STARD3: variants seen among roughly 807,000 people sequenced by gnomAD.
The protein encoded by STARD3 is StAR related lipid transfer domain containing 3.
STARD3 carries 39 observed loss-of-function variants against 62.0 expected under a neutral mutation model. The ratio of observed to expected loss-of-function variants is 0.63; its 90% CI spans 0.49 to 0.82. The LOEUF (loss-of-function observed/expected upper bound fraction) is 0.82, where lower values mean the gene tolerates loss of function less well. Ranked by LOEUF, STARD3 falls within the 40% of genes least tolerant of loss-of-function variation. The pLI, the probability that STARD3 is intolerant of heterozygous loss-of-function variation, is 0.00. For synonymous variants in STARD3, 229 were observed against 242.4 expected (o/e 0.94, Z 0.51); for missense variants, 543 against 584.5 (o/e 0.93, Z 0.73).
chr17:39,639,984 G>A (rs755197011), intron 1 of STARD3, among the ~76,000 whole-genome samples: 2 of 152,188 alleles, frequency 1.3e-5, no homozygotes, highest in South Asian at 2.1e-4. Context: ...CCCTGAAAGC[G>A]CTGATCACAG....
chr17:39,663,189 G>A lies in STARD3; in HGVS notation c.*281G>A. The A allele has an allele frequency of 2.3e-6, 1 of 442,080 alleles. No homozygotes were observed. The highest frequency in any genetic ancestry group is 4.0e-6 in the Non-Finnish European group (1 of 251,964). The allele number at this position is 442,080 out of a possible 1,614,324, so 27.4% of individuals were successfully genotyped here. On this transcript the variant is annotated 3_prime_UTR_variant, in exon 15 of 15. Coordinates refer to ENST00000336308, the MANE Select transcript of STARD3 (RefSeq NM_006804.4). The stretch of plus-strand genomic sequence containing the variant: ...AGATTGCTCTGCCCCACCTTGCCAG[G>A]GCAGGGTCTGGGCTGGGCACCTGAC...
At chr17:39,657,293 A>C (rs2057140543) in intron 3 of STARD3, among the ~76,000 whole-genome samples, 1 of 152,094 alleles carries the variant, frequency 6.6e-6, no homozygotes, top group Non-Finnish European at 1.5e-5. Context: ...TGGGAGGCTG[A>C]GGTGGGTGGA....
At chr17:39,658,977 A>G in intron 7 of STARD3, 74 bp from the exon 8 acceptor site, 4 of 1,598,378 alleles carry the variant, frequency 2.5e-6, no homozygotes, top group East Asian at 4.5e-5. Context: ...TTGCACTCAC[A>G]TACCCGAACC....
At chr17:39,641,260 T>C (rs2056980574) in intron 1 of STARD3, among the ~76,000 whole-genome samples, 1 of 152,136 alleles carries the variant, frequency 6.6e-6, no homozygotes, top group South Asian at 2.1e-4. Flanking sequence ...ACTGTGGCTG[T>C]GACTTGGACC....
At chr17:39,649,702 A>G (rs1345293653) in intron 1 of STARD3, among the ~76,000 whole-genome samples, 2 of 152,026 alleles carry the variant, frequency 1.3e-5, no homozygotes, top group East Asian at 3.9e-4. Context: ...CCTCATCTCT[A>G]CTAAAAATAC....
At chr17:39,645,751 C>T (rs911058185) in intron 1 of STARD3, among the ~76,000 whole-genome samples, 5 of 150,434 alleles carry the variant, frequency 3.3e-5, no homozygotes, top group African/African-American at 1.2e-4. Flanking sequence ...AGCCACTGCT[C>T]CTAGCCCCAT....
At chr17:39,648,182 G>T (rs1298528462) in intron 1 of STARD3, among the ~76,000 whole-genome samples, 1 of 152,216 alleles carries the variant, frequency 6.6e-6, no homozygotes, top group African/African-American at 2.4e-5. Context: ...CTACTCGGGA[G>T]GCTGAGGCAG....
intron 1 of STARD3, chr17:39,637,590 A>G (rs1012608098): frequency 3.3e-5 from 5 of 152,246 alleles, no homozygotes; most frequent in East Asian, 3.9e-4. Context: ...GAAAACATCT[A>G]CGCATTCCGG....
intron 8 of STARD3, 55 bp from the exon 9 acceptor site, chr17:39,659,406 C>A: frequency 6.5e-7 from 1 of 1,539,210 alleles, no homozygotes; most frequent in Non-Finnish European, 9.0e-7. Flanking sequence ...AGGCCACGAA[C>A]ATGGTGGACT....
At chr17:39,653,459 T>C (rs2057095980) in intron 1 of STARD3, 22 bp from the exon 2 acceptor site, 15 of 1,506,188 alleles carry the variant, frequency 1.0e-5, no homozygotes, top group Non-Finnish European at 1.3e-5. Flanking sequence ...TTGACAGGAC[T>C]CTGCCTCTGC....
At position 39,657,821 on chromosome 17, in the gene STARD3, T is replaced by C. The variant is rs1392709613; in HGVS notation, c.344T>C (p.Val115Ala). 6.2e-7 allele frequency: 1 copy of C among 1,614,228 alleles called. No homozygotes were observed. Among genetic ancestry groups the C allele is most frequent in the South Asian group, 1.1e-5 (1 of 91,090 alleles). Residue 115 changes from valine (V) to alanine (A), a missense_variant, in exon 4 of 15, where the codon GTG becomes GCG. Val to Ala is a moderately conservative substitution (Grantham distance 64). Coordinates refer to ENST00000336308, the MANE Select transcript of STARD3 (RefSeq NM_006804.4). Reference protein sequence around the residue: ...RFSGLLLGYAVLRLRHWWVIA... With the variant: ...RFSGLLLGYAALRLRHWWVIA... ...TCTGGACTGCTCCTAGGCTATGCCG[T>C]GCTGCGGCTCCGGCACTGGTGGGTG...
rs1309052357 is a variant in STARD3, at chr17:39,664,178, G to C, written c.*1270G>C. 6.6e-6 allele frequency: 1 copy of C among 152,386 alleles called. No individual in the cohort carries two copies. Among genetic ancestry groups the C allele is most frequent in the Non-Finnish European group, 1.5e-5 (1 of 68,064 alleles). 9.4% of individuals were successfully genotyped at this position (152,386 alleles called of 1,614,324 possible). On this transcript the variant is annotated 3_prime_UTR_variant, in exon 15 of 15. Transcript: ENST00000336308. Reference sequence around the variant, plus strand: ...GACTGATGTCACAGGGTTGTTATGAGATTAAAAGATATGAAGAACCGGGGA... The same window carrying C: ...GACTGATGTCACAGGGTTGTTATGACATTAAAAGATATGAAGAACCGGGGA...
At chr17:39,659,814 G>A in intron 9 of STARD3, 1 of 496,134 alleles carries the variant, frequency 2.0e-6, no homozygotes, top group Non-Finnish European at 3.6e-6. Flanking sequence ...TGAAGGGGAA[G>A]CCAGGCTTCT....
Position 39,657,826 on chromosome 17 carries a change from C to A in STARD3, c.349C>A (p.Arg117=), listed in dbSNP as rs746798367. The A allele has an allele frequency of 6.8e-6, 11 of 1,614,106 alleles. No homozygotes were observed. In the Admixed American group the frequency reaches 1.3e-4, roughly 20 times the overall value. The stretch of plus-strand genomic sequence containing the variant: ...ACTGCTCCTAGGCTATGCCGTGCTG[C>A]GGCTCCGGCACTGGTGGGTGATTGC... ...SGLLLGYAVL[R]LRHWWVIAVT... is the part of the protein sequence containing the mutation. The change falls in exon 4 of 15, where the codon CGG becomes AGG. Residue 117 remains arginine, a synonymous_variant. Coordinates refer to ENST00000336308, the MANE Select transcript of STARD3 (RefSeq NM_006804.4).
rs1013357056 is a variant in STARD3 at position 39,659,131 on chromosome 17, C to T, written c.702+25C>T. Reference sequence around the variant, plus strand: ...GGTATTTGCCTGCCTACCCCTAACCCCTGCCCTTGGAATGGGTGCCTGGAG... The same window carrying T: ...GGTATTTGCCTGCCTACCCCTAACCTCTGCCCTTGGAATGGGTGCCTGGAG... On this transcript the variant is annotated intron_variant, in intron 8 of 14. Coordinates refer to ENST00000336308, the MANE Select transcript of STARD3 (RefSeq NM_006804.4). 5 of 1,613,940 alleles carry T rather than the reference C, an allele frequency of 3.1e-6. No homozygotes were observed. The African/African-American group carries it at 4.0e-5, about 13-fold the overall frequency.
intron 2 of STARD3, among the ~76,000 whole-genome samples, chr17:39,655,301 T>C (rs2057116494): frequency 6.6e-6 from 1 of 152,008 alleles, no homozygotes; most frequent in African/African-American, 2.4e-5. Flanking sequence ...TCCTCCCACC[T>C]CAGCCTCCCC....
At chr17:39,650,827 A>T (rs1308717619) in intron 1 of STARD3, among the ~76,000 whole-genome samples, 1 of 152,178 alleles carries the variant, frequency 6.6e-6, no homozygotes, top group Non-Finnish European at 1.5e-5. Context: ...AAAAACAAAC[A>T]AAACCCCACA....
At chr17:39,656,792 G>A (rs192726580) in intron 2 of STARD3, 5 of 557,098 alleles carry the variant, frequency 9.0e-6, no homozygotes, top group Non-Finnish European at 1.6e-5. Context: ...CCATCGGGGC[G>A]GCCTGGATCC....
At position 39,651,021 on chromosome 17, in the gene STARD3, C is replaced by G. The variant is rs529465432; in HGVS notation, c.-51-2460C>G. 2.0e-5 allele frequency among the ~76,000 whole-genome samples: 3 copies of G among 152,320 alleles called. No homozygotes were observed. In the South Asian group the frequency reaches 6.2e-4, roughly 32 times the overall value. ...AGCATGCAGTCTGGCACAGATCTGG[C>G]TGATAGATGTTGGGGATCCCATTGC... On this transcript the variant is annotated intron_variant, in intron 1 of 14. Transcript: ENST00000336308.
Sources: allele counts gnomAD v4.1 joint callset (sites outside exome capture counted in the v4.1 genomes callset), GRCh38; gene constraint gnomAD v4.1.1; transcripts MANE v1.5; gene names NCBI Gene and HGNC (gene_info 2026-07-23, HGNC 2026-07-21).